Variants in FAM227B observed in about 807,000 individuals in gnomAD.
FAM227B encodes the protein family with sequence similarity 227 member B.
Under a neutral mutation model 73.8 loss-of-function variants are expected in FAM227B, and 88 were observed. The observed-to-expected ratio is 1.19, with a 90% CI of 1.00 to 1.42. The LOEUF (loss-of-function observed/expected upper bound fraction) is 1.42. Ranked by LOEUF, FAM227B falls within the 40% of genes most tolerant of loss-of-function variation. The probability of loss-of-function intolerance (pLI) is 0.00; values close to 1 mark genes in which losing one functional copy is unlikely to be tolerated. For missense variants in FAM227B, 632 were observed against 590.9 expected (o/e 1.07, Z -0.72); for synonymous variants, 210 against 190.5 (o/e 1.10, Z -0.84).
At chr15:49,542,061 T>C (rs1168139608) in intron 9 of FAM227B, among the ~76,000 whole-genome samples, 1 of 152,172 alleles carries the variant, frequency 6.6e-6, no homozygotes. Context: ...CACCTGGAAA[T>C]TAAATTTCTT....
At chr15:49,406,765 G>A (rs958503911) in intron 11 of FAM227B, among the ~76,000 whole-genome samples, 4 of 152,040 alleles carry the variant, frequency 2.6e-5, no homozygotes, top group Non-Finnish European at 4.4e-5. Flanking sequence ...CCACCCATAC[G>A]CATGTGTGCC....
chr15:49,479,839 C>T (rs1353643213), intron 11 of FAM227B, among the ~76,000 whole-genome samples: 1 of 152,220 alleles, frequency 6.6e-6, no homozygotes, highest in East Asian at 1.9e-4. Flanking sequence ...GTCTTGAACT[C>T]CTGACCTCAG....
chr15:49,390,759 A>G (rs1445022854), intron 11 of FAM227B, among the ~76,000 whole-genome samples: 1 of 152,124 alleles, frequency 6.6e-6, no homozygotes, highest in East Asian at 1.9e-4. Context: ...AAAAATGGGC[A>G]TATACATAAT....
chr15:49,388,121 G>C (rs1218410650), intron 11 of FAM227B, among the ~76,000 whole-genome samples: 1 of 151,680 alleles, frequency 6.6e-6, no homozygotes, highest in Admixed American at 6.6e-5. Context: ...CACAAAATTA[G>C]AAAGAACAAT....
At chr15:49,330,761 GAGAA>G (rs1386026069) in intron 15 of FAM227B, 2 of 151,308 alleles carry the variant, frequency 1.3e-5, no homozygotes, top group Non-Finnish European at 1.5e-5. Flanking sequence ...AAAAAAAAGA[GAGAA>G]AGAATGAATA....
chr15:49,394,093 T>A (rs1346094230), intron 11 of FAM227B, among the ~76,000 whole-genome samples: 2 of 152,168 alleles, frequency 1.3e-5, no homozygotes, highest in South Asian at 2.1e-4. Flanking sequence ...ATCTGTGGAA[T>A]CACCTTTGAG....
chr15:49,394,829 A>T (rs964327421), intron 11 of FAM227B, among the ~76,000 whole-genome samples: 2 of 152,180 alleles, frequency 1.3e-5, no homozygotes, highest in Admixed American at 1.3e-4. Context: ...TATGTGGAAA[A>T]TGTTTGTAAT....
intron 10 of FAM227B, among the ~76,000 whole-genome samples, chr15:49,516,472 T>C (rs1399532798): frequency 1.3e-5 from 2 of 152,004 alleles, no homozygotes; most frequent in Non-Finnish European, 2.9e-5. Flanking sequence ...GATTGGTGCC[T>C]ACAACTTCTG....
At chr15:49,453,561 C>A (rs1378358545) in intron 11 of FAM227B, among the ~76,000 whole-genome samples, 1 of 152,194 alleles carries the variant, frequency 6.6e-6, no homozygotes, top group Non-Finnish European at 1.5e-5. Flanking sequence ...TTATGCAGGA[C>A]AGTTCAGTGT....
chr15:49,352,379 G>A (rs146002939), intron 13 of FAM227B, among the ~76,000 whole-genome samples: 32 of 152,266 alleles, frequency 2.1e-4, no homozygotes, highest in South Asian at 6.2e-4. Context: ...CATGTGGGAA[G>A]GGCAATATTG....
intron 13 of FAM227B, among the ~76,000 whole-genome samples, chr15:49,347,190 T>G (rs1261763137): frequency 6.6e-6 from 1 of 152,160 alleles, no homozygotes; most frequent in Non-Finnish European, 1.5e-5. Flanking sequence ...CTTATTCAAG[T>G]AAAATAATTC....
chr15:49,351,589 C>T (rs1157772725), intron 13 of FAM227B, among the ~76,000 whole-genome samples: 1 of 152,126 alleles, frequency 6.6e-6, no homozygotes, highest in East Asian at 1.9e-4. Context: ...ATACACCGTC[C>T]CAAGTTGGGT....
At chr15:49,552,031 G>T (rs546867087) in intron 9 of FAM227B, among the ~76,000 whole-genome samples, 29 of 152,254 alleles carry the variant, frequency 1.9e-4, no homozygotes, top group African/African-American at 7.0e-4. Flanking sequence ...CACAACAGTT[G>T]CAGTGTTTTA....
intron 4 of FAM227B, among the ~76,000 whole-genome samples, chr15:49,588,546 ACTATATATATATATAT>A (rs2076313980): frequency 2.4e-5 from 1 of 41,478 alleles, no homozygotes; most frequent in African/African-American, 9.2e-5. Flanking sequence ...CATATTGAGG[ACTATATATATATATAT>A]ATATATATAT....
chr15:49,329,055 T>C, intron 15 of FAM227B: 2 of 998,852 alleles, frequency 2.0e-6, no homozygotes, highest in Non-Finnish European at 2.4e-6. Context: ...ACCTCTCTAA[T>C]CCAAGAGGCA....
chr15:49,466,585 T>A (rs1182783170), intron 11 of FAM227B, among the ~76,000 whole-genome samples: 1 of 152,094 alleles, frequency 6.6e-6, no homozygotes, highest in East Asian at 1.9e-4. Flanking sequence ...ATAACATATA[T>A]CTTATGAATA....
intron 11 of FAM227B, among the ~76,000 whole-genome samples, chr15:49,381,358 T>C (rs1281490598): frequency 2.0e-5 from 3 of 152,212 alleles, no homozygotes; most frequent in African/African-American, 7.2e-5. Flanking sequence ...ATGCCTGGTG[T>C]CCTTTCTCTT....
chr15:49,457,009 G>C (rs2053359632), intron 11 of FAM227B, among the ~76,000 whole-genome samples: 1 of 152,118 alleles, frequency 6.6e-6, no homozygotes. Context: ...GAGCTAGTGA[G>C]TGGATGAATC....
chr15:49,370,277 CCT>C (rs1301909915), intron 12 of FAM227B, among the ~76,000 whole-genome samples: 13 of 152,320 alleles, frequency 8.5e-5, no homozygotes, highest in African/African-American at 3.1e-4. Flanking sequence ...TTAGCAGCAT[CCT>C]CTGAAAAAGG....
Sources: gnomAD v4.1 joint callset for allele counts (sites outside exome capture counted in the v4.1 genomes callset) on GRCh38, gnomAD v4.1.1 for gene constraint, MANE v1.5 for transcripts, NCBI Gene and HGNC (gene_info 2026-07-23, HGNC 2026-07-21) for gene names.